DNAAF10: variants seen among roughly 807,000 people sequenced by gnomAD.
The protein encoded by DNAAF10 is WD repeat domain 92.
DNAAF10 carries 28 observed loss-of-function variants against 43.7 expected under a neutral mutation model. The ratio of observed to expected loss-of-function variants is 0.64; its 90% CI spans 0.48 to 0.88. The LOEUF (loss-of-function observed/expected upper bound fraction) is 0.88, where lower values mean the gene tolerates loss of function less well. DNAAF10 is among the 40% of genes least tolerant of loss of function. The probability of loss-of-function intolerance (pLI) is 0.00; values close to 1 mark genes in which losing one functional copy is unlikely to be tolerated. For synonymous variants in DNAAF10, 156 were observed against 157.3 expected (o/e 0.99, Z 0.06); for missense variants, 403 against 439.1 (o/e 0.92, Z 0.73).
At chr2:68,143,274 G>A (rs1673236062) in intron 3 of DNAAF10, among the ~76,000 whole-genome samples, 1 of 151,976 alleles carries the variant, frequency 6.6e-6, no homozygotes, top group South Asian at 2.1e-4. Context: ...ACCTCCCACT[G>A]CCAGGTTCAA....
At chr2:68,155,854 C>T (rs1318331196) in intron 1 of DNAAF10, among the ~76,000 whole-genome samples, 6 of 151,742 alleles carry the variant, frequency 4.0e-5, no homozygotes, top group African/African-American at 7.3e-5. Context: ...CCCAGTATTA[C>T]GGGAGGCCGA....
intron 4 of DNAAF10, 49 bp downstream of exon 4, chr2:68,141,645 G>T: frequency 6.5e-7 from 1 of 1,549,614 alleles, no homozygotes; most frequent in Non-Finnish European, 8.9e-7. Flanking sequence ...GCAGCATCGT[G>T]CTTTTTACCA....
chr2:68,152,852 T>G, intron 1 of DNAAF10, among the ~76,000 whole-genome samples: 1 of 152,180 alleles, frequency 6.6e-6, no homozygotes, highest in East Asian at 1.9e-4. Context: ...TAGTACAGCT[T>G]GTCAGTATTT....
chr2:68,131,192 A>C lies in DNAAF10; in HGVS notation c.*46T>G, dbSNP rs1435096520. On this transcript the variant is annotated 3_prime_UTR_variant, in exon 8 of 8. Transcript: ENST00000295121. ...CTCGGCCTCCCAAAGTGCTGGGATT[A>C]CAGGAGTGAGCCACCGTGCCCAGCC... 3.1e-6 allele frequency: 5 copies of C among 1,598,362 alleles called. No homozygotes were observed. The African/African-American group carries it at 5.4e-5, about 17-fold the overall frequency.
intron 2 of DNAAF10, 112 bp downstream of exon 2, chr2:68,147,355 T>G (rs548875552): frequency 2.7e-6 from 2 of 746,652 alleles, no homozygotes; most frequent in Admixed American, 2.6e-5. Context: ...ATAGTTAAAA[T>G]GGAACATAGA....
At chr2:68,133,175 G>A (rs1454791340) in intron 7 of DNAAF10, among the ~76,000 whole-genome samples, 3 of 152,122 alleles carry the variant, frequency 2.0e-5, no homozygotes, top group Admixed American at 1.3e-4. Context: ...CTCCCAGAAC[G>A]ACTCAAACTT....
At chr2:68,140,622 C>A (rs963935738) in intron 4 of DNAAF10, among the ~76,000 whole-genome samples, 10 of 152,122 alleles carry the variant, frequency 6.6e-5, no homozygotes, top group African/African-American at 2.4e-4. Context: ...CCGCTAAATA[C>A]CACTAGTTCA....
Position 68,134,756 on chromosome 2 carries a change from T to C in DNAAF10, c.812A>G (p.Asn271Ser), listed in dbSNP as rs752000280. 6.2e-7 allele frequency: 1 copy of C among 1,610,486 alleles called. No homozygotes were observed. The highest frequency in any genetic ancestry group is 1.7e-5 in the Admixed American group (1 of 58,846). Residue 271 changes from asparagine to serine, a missense_variant, in exon 7 of 8, where the codon AAC (asparagine) becomes AGC (serine). By Grantham distance (46) the Asn-to-Ser change is conservative. Coordinates refer to ENST00000295121, the MANE Select transcript of DNAAF10 (RefSeq NM_138458.4). ...TCCAGCTGTCAGAAAGAGCTCCCTG[T>C]TCTGCGGCAGGTGTCGGACCTGCCA... ...TVWQVRHLPQ[N>S]RELFLTAGGA... is the part of the protein sequence containing the mutation.
chr2:68,134,372 C>A (rs919342646), intron 7 of DNAAF10: 1 of 1,078,656 alleles, frequency 9.3e-7, no homozygotes, highest in East Asian at 9.4e-5. Flanking sequence ...AGGCAAGGAA[C>A]CCTTTCCCCA....
At chr2:68,150,337 A>G (rs1673423110) in intron 1 of DNAAF10, among the ~76,000 whole-genome samples, 2 of 152,224 alleles carry the variant, frequency 1.3e-5, no homozygotes, top group African/African-American at 2.4e-5. Flanking sequence ...AAATTCACCA[A>G]GAACAAAAGC....
At chr2:68,137,264 T>C (rs756105885) in intron 6 of DNAAF10, 35 bp downstream of exon 6, 1 of 1,592,656 alleles carries the variant, frequency 6.3e-7, no homozygotes, top group Non-Finnish European at 8.5e-7. Flanking sequence ...AAGCTATCAT[T>C]CTTCTTCATA....
chr2:68,138,220 C>T (rs1050111151), intron 5 of DNAAF10, among the ~76,000 whole-genome samples: 14 of 150,706 alleles, frequency 9.3e-5, no homozygotes, highest in Non-Finnish European at 1.6e-4. Context: ...TTTTTTTTTT[C>T]CATTAGTAAG....
Position 68,131,319 on chromosome 2 carries a change from T to C in DNAAF10, c.993A>G (p.Pro331=), listed in dbSNP as rs373198107. 6.2e-7 allele frequency: 1 copy of C among 1,614,144 alleles called. No homozygotes were observed. Among genetic ancestry groups the C allele is most frequent in the Non-Finnish European group, 8.5e-7 (1 of 1,180,022 alleles). The change falls in exon 8 of 8, where the codon CCA becomes CCG. Residue 331 remains proline (P), a synonymous_variant. Coordinates refer to ENST00000295121, the MANE Select transcript of DNAAF10 (RefSeq NM_138458.4). The part of the protein sequence containing the change: ...TQPISSLDWS[P]DKRGLCVCSS... The stretch of plus-strand genomic sequence containing the variant: ...TACAGACGCAGAGACCCCTTTTATC[T>C]GGACTCCAATCCAAACTTGAAATGG...
intron 2 of DNAAF10, among the ~76,000 whole-genome samples, chr2:68,145,728 T>C (rs1458834155): frequency 1.3e-5 from 2 of 152,242 alleles, no homozygotes; most frequent in African/African-American, 4.8e-5. Flanking sequence ...AGGAAAGTAC[T>C]GATTACCACA....
intron 1 of DNAAF10, among the ~76,000 whole-genome samples, chr2:68,148,127 A>G (rs900038180): frequency 2.0e-5 from 3 of 152,224 alleles, no homozygotes; most frequent in African/African-American, 7.2e-5. Flanking sequence ...TGCACCAAGT[A>G]TTGTATATAG....
At chr2:68,148,311 C>A (rs933819644) in intron 1 of DNAAF10, among the ~76,000 whole-genome samples, 3 of 152,120 alleles carry the variant, frequency 2.0e-5, no homozygotes, top group Non-Finnish European at 4.4e-5. Context: ...CGAACTCATA[C>A]AACATTCAAC....
At position 68,157,420 on chromosome 2, in the gene DNAAF10, C is replaced by G. The variant is rs1298628472; in HGVS notation, c.24G>C (p.Gln8His). Residue 8 changes from glutamine to histidine, a missense_variant, in exon 1 of 8, where the codon CAG becomes CAC. Transcript: ENST00000295121. MSAFEKP[Q>H]IIAHIQKGFN... ...AGCCCTTCTGGATATGGGCGATGAT[C>G]TGAGGCTTCTCGAAGGCCGACATGG... The G allele has an allele frequency of 1.2e-6, 2 of 1,614,184 alleles. No individual in the cohort carries two copies. Among genetic ancestry groups the G allele is most frequent in the East Asian group, 2.2e-5 (1 of 44,886 alleles).
In DNAAF10 at chr2:68,146,217, G is replaced by A. The variant is rs147106449; in HGVS notation, c.284+1250C>T. On this transcript the variant is annotated intron_variant, in intron 2 of 7. Transcript: ENST00000295121. ...GTGGAGGTTGCAGTGAGCCGAGATC[G>A]CATCACTACACTCCAGCCTAGGCAA... Among the ~76,000 whole-genome samples, 65 of 152,154 alleles carry A rather than the reference G, an allele frequency of 4.3e-4. No homozygotes were observed. In the East Asian group the frequency reaches 5.2e-3, roughly 12 times the overall value.
intron 1 of DNAAF10, among the ~76,000 whole-genome samples, chr2:68,150,732 C>G (rs957018856): frequency 2.0e-5 from 3 of 150,688 alleles, no homozygotes; most frequent in Non-Finnish European, 2.9e-5. Flanking sequence ...GACTCCGTCT[C>G]AAAAAATAAA....
Sources: allele counts gnomAD v4.1 joint callset (sites outside exome capture counted in the v4.1 genomes callset), GRCh38; gene constraint gnomAD v4.1.1; transcripts MANE v1.5; gene names NCBI Gene and HGNC (gene_info 2026-07-23, HGNC 2026-07-21).